GALNT17: variants seen among roughly 807,000 people sequenced by gnomAD.
GALNT17 encodes polypeptide N-acetylgalactosaminyltransferase 17, also known as UDP-GalNAc:polypeptide N-acetylgalactosaminyltransferase-like 3.
In GALNT17, 29 loss-of-function variants were observed where a neutral mutation model predicts 63.7. The ratio of observed to expected loss-of-function variants is 0.46; its 90% CI spans 0.34 to 0.62. The LOEUF is 0.62. Ranked by LOEUF, GALNT17 falls within the 20% of genes least tolerant of loss-of-function variation. The pLI is 0.01. For synonymous variants in GALNT17, 305 were observed against 318.3 expected, an observed-to-expected ratio of 0.96 and a Z score of 0.45; for missense variants, 603 against 799.6, an observed-to-expected ratio of 0.75 and a Z score of 2.97.
chr7:71,557,648 A>G (rs531380477), intron 5 of GALNT17, among the ~76,000 whole-genome samples: 44 of 152,198 alleles, frequency 2.9e-4, no homozygotes, highest in African/African-American at 1.1e-3. Flanking sequence ...AAAATTAGCC[A>G]GGCCCGGTGG....
chr7:71,665,611 C>G lies in GALNT17; in HGVS notation c.1266+15C>G, dbSNP rs749198845. The G allele has an allele frequency of 1.9e-6, 3 of 1,610,430 alleles. No individual in the cohort carries two copies. In the South Asian group the frequency reaches 3.3e-5, roughly 18 times the overall value. On this transcript the variant is annotated intron_variant, in intron 7 of 10. Transcript: ENST00000333538. ...TGCCGCTGGAGGTAGGGATCACCAG[C>G]CTTTCCCCACCACCCCAGTACAGTG...
At chr7:71,436,269 A>T (rs181017248) in intron 5 of GALNT17, among the ~76,000 whole-genome samples, 1 of 152,272 alleles carries the variant, frequency 6.6e-6, no homozygotes, top group African/African-American at 2.4e-5. Context: ...TAAGCTCAAG[A>T]GTTGGAGGCT....
intron 1 of GALNT17, among the ~76,000 whole-genome samples, chr7:71,151,682 C>T (rs774147642): frequency 1.3e-5 from 2 of 151,368 alleles, no homozygotes; most frequent in East Asian, 1.9e-4. Flanking sequence ...TACTAGTACT[C>T]TATTTACAGG....
chr7:71,364,112 A>C lies in GALNT17; in HGVS notation c.423-24123A>C, dbSNP rs571602849. Among the ~76,000 whole-genome samples the C allele has an allele frequency of 2.6e-3, 399 of 152,286 alleles. 2 individuals are homozygous for C. Among genetic ancestry groups the C allele is most frequent in the African/African-American group, 9.2e-3 (383 of 41,554 alleles). On this transcript the variant is annotated intron_variant, in intron 2 of 10. Transcript: ENST00000333538. ...ATTTGGGTGCACCCATCACCCGAGC[A>C]GTATATACAGCACCCTATTTGTAGC...
chr7:71,632,392 C>T (rs1030183674), intron 6 of GALNT17, among the ~76,000 whole-genome samples: 25 of 152,170 alleles, frequency 1.6e-4, no homozygotes, highest in Non-Finnish European at 3.4e-4. Context: ...TGTTGGGGTT[C>T]GAATATTACA....
chr7:71,522,106 A>G (rs1788540096), intron 5 of GALNT17, among the ~76,000 whole-genome samples: 2 of 151,932 alleles, frequency 1.3e-5, no homozygotes, highest in African/African-American at 4.8e-5. Context: ...TTTGTGCAAT[A>G]CTGTGGAGCC....
At chr7:71,668,138 C>G (rs1467472477) in intron 7 of GALNT17, among the ~76,000 whole-genome samples, 2 of 152,072 alleles carry the variant, frequency 1.3e-5, no homozygotes, top group Non-Finnish European at 2.9e-5. Context: ...CTTAGAGTTA[C>G]AAATAACTCA....
intron 5 of GALNT17, among the ~76,000 whole-genome samples, chr7:71,518,508 G>T (rs1788478250): frequency 1.3e-5 from 2 of 152,306 alleles, no homozygotes; most frequent in African/African-American, 4.8e-5. Context: ...TAAGCAGGAT[G>T]CCATTAATCA....
chr7:71,349,199 C>T (rs1792147167), intron 2 of GALNT17, among the ~76,000 whole-genome samples: 2 of 152,158 alleles, frequency 1.3e-5, no homozygotes, highest in Non-Finnish European at 2.9e-5. Context: ...AAACATTCTC[C>T]AAGTGGCAGC....
chr7:71,701,582 A>G (rs1791632460), intron 9 of GALNT17, among the ~76,000 whole-genome samples: 2 of 151,754 alleles, frequency 1.3e-5, no homozygotes, highest in African/African-American at 4.8e-5. Context: ...ACTCCTGGGT[A>G]TCTACCCAAA....
chr7:71,400,172 C>T (rs1210513445), intron 3 of GALNT17, among the ~76,000 whole-genome samples: 1 of 151,938 alleles, frequency 6.6e-6, no homozygotes, highest in Non-Finnish European at 1.5e-5. Context: ...CCTGACAGGC[C>T]CCAGTGTGTG....
At chr7:71,439,654 A>G (rs746065638) in intron 5 of GALNT17, among the ~76,000 whole-genome samples, 5 of 152,364 alleles carry the variant, frequency 3.3e-5, no homozygotes, top group Non-Finnish European at 7.3e-5. Flanking sequence ...GCCAAGGAGC[A>G]GACACATTTT....
intron 1 of GALNT17, among the ~76,000 whole-genome samples, chr7:71,245,511 G>A (rs2116477131): frequency 6.6e-6 from 1 of 152,274 alleles, no homozygotes; most frequent in South Asian, 2.1e-4. Flanking sequence ...GCCATGTCTG[G>A]CCAAATCTAG....
chr7:71,612,689 A>G (rs1256858526), intron 6 of GALNT17, among the ~76,000 whole-genome samples: 1 of 152,188 alleles, frequency 6.6e-6, no homozygotes, highest in Non-Finnish European at 1.5e-5. Flanking sequence ...GATTCCTGCA[A>G]TTGTTTCCCT....
At chr7:71,684,008 CAAAAAAAAAA>C (rs5741642) in intron 9 of GALNT17, among the ~76,000 whole-genome samples, 1 of 121,442 alleles carries the variant, frequency 8.2e-6, no homozygotes, top group South Asian at 2.8e-4. Context: ...CACTCTGTCT[CAAAAAAAAAA>C]AAAAAAAACA....
intron 1 of GALNT17, among the ~76,000 whole-genome samples, chr7:71,184,948 C>CTTCT (rs1270665883): frequency 1.6e-5 from 1 of 64,358 alleles, no homozygotes; most frequent in Admixed American, 1.5e-4. Context: ...CACTTCCTTC[C>CTTCT]TTCCTTCCTT....
intron 1 of GALNT17, among the ~76,000 whole-genome samples, chr7:71,322,403 G>A (rs1053289571): frequency 1.3e-5 from 2 of 152,156 alleles, no homozygotes; most frequent in African/African-American, 2.4e-5. Context: ...TTTATGGAAC[G>A]TTTGCTCCAA....
intron 1 of GALNT17, among the ~76,000 whole-genome samples, chr7:71,298,605 T>A (rs1483953069): frequency 6.6e-6 from 1 of 152,010 alleles, no homozygotes; most frequent in African/African-American, 2.4e-5. Context: ...CCTGCCTTAT[T>A]TCCAGGTGGC....
chr7:71,531,384 C>G (rs1788718290), intron 5 of GALNT17, among the ~76,000 whole-genome samples: 1 of 152,104 alleles, frequency 6.6e-6, no homozygotes. Context: ...ATATTATTAA[C>G]TATAGGCGCT....
Sources: gnomAD v4.1 joint callset for allele counts (sites outside exome capture counted in the v4.1 genomes callset) on GRCh38, gnomAD v4.1.1 for gene constraint, MANE v1.5 for transcripts, NCBI Gene and HGNC (gene_info 2026-07-23, HGNC 2026-07-21) for gene names.